GRID1: variants seen among roughly 807,000 people sequenced by gnomAD.
The protein encoded by GRID1 is glutamate ionotropic receptor delta type subunit 1.
GRID1 carries 28 observed loss-of-function variants against 98.0 expected under a neutral mutation model. That is an observed-to-expected ratio of 0.29 (90% CI 0.21 to 0.39). The LOEUF is 0.39. GRID1 is among the 10% of genes least tolerant of loss of function. GRID1 has a pLI of 1.00. For synonymous variants in GRID1, 553 were observed against 538.5 expected, an observed-to-expected ratio of 1.03 and a Z score of -0.37; for missense variants, 1,111 against 1,340.5, an observed-to-expected ratio of 0.83 and a Z score of 2.67.
chr10:86,020,492 T>A (rs1369246748), intron 4 of GRID1, among the ~76,000 whole-genome samples: 1 of 152,234 alleles, frequency 6.6e-6, no homozygotes, highest in Non-Finnish European at 1.5e-5. Flanking sequence ...CAGGCTGAAC[T>A]GAGTTCCAAC....
At chr10:86,070,695 C>T (rs1271302733) in intron 4 of GRID1, among the ~76,000 whole-genome samples, 1 of 152,202 alleles carries the variant, frequency 6.6e-6, no homozygotes, top group East Asian at 1.9e-4. Flanking sequence ...CTCATCCATC[C>T]CTGCACACAT....
intron 4 of GRID1, among the ~76,000 whole-genome samples, chr10:85,962,270 T>A (rs1842278321): frequency 6.6e-6 from 1 of 152,166 alleles, no homozygotes; most frequent in South Asian, 2.1e-4. Context: ...TGCTCTCCCC[T>A]ACAAAGTTGC....
intron 2 of GRID1, among the ~76,000 whole-genome samples, chr10:86,268,473 G>A (rs2607859): frequency 0.87 from 132,043 of 152,176 alleles, 57,979 homozygotes; most frequent in Non-Finnish European, 0.91. Flanking sequence ...TGAAGTGTGG[G>A]GGTTGTTTGT....
intron 3 of GRID1, among the ~76,000 whole-genome samples, chr10:86,203,493 G>A (rs1296053812): frequency 7.1e-6 from 1 of 139,996 alleles, no homozygotes; most frequent in Non-Finnish European, 1.6e-5. Flanking sequence ...CAGCTGGGCT[G>A]GGCATGAGGG....
intron 5 of GRID1, among the ~76,000 whole-genome samples, chr10:85,873,077 C>T (rs1172186936): frequency 5.3e-5 from 8 of 152,202 alleles, no homozygotes; most frequent in Non-Finnish European, 8.8e-5. Flanking sequence ...TGTTGGTCCT[C>T]CTGGGTCTCT....
intron 5 of GRID1, among the ~76,000 whole-genome samples, chr10:85,911,424 GA>G: frequency 6.6e-6 from 1 of 152,248 alleles, no homozygotes; most frequent in Middle Eastern, 3.4e-3. Flanking sequence ...GTGAGATGTG[GA>G]GTCACCGACT....
chr10:85,696,536 G>A lies in GRID1; in HGVS notation c.1997+26467C>T, dbSNP rs1347778900. 3.9e-5 allele frequency among the ~76,000 whole-genome samples: 6 copies of A among 152,040 alleles called. No homozygotes were observed. In the South Asian group the frequency reaches 6.2e-4, roughly 16 times the overall value. On this transcript the variant is annotated intron_variant, in intron 12 of 15. Coordinates refer to ENST00000327946, the MANE Select transcript of GRID1 (RefSeq NM_017551.3). Reference sequence around the variant, plus strand: ...TTAAATACACCTAGACAGAGACAGCGCATGCCGAATTTCCATTTTCTCTTA... The same window carrying A: ...TTAAATACACCTAGACAGAGACAGCACATGCCGAATTTCCATTTTCTCTTA...
chr10:85,924,395 A>T (rs1166962106), intron 4 of GRID1, among the ~76,000 whole-genome samples: 1 of 152,218 alleles, frequency 6.6e-6, no homozygotes, highest in Non-Finnish European at 1.5e-5. Flanking sequence ...AGGATCTGAG[A>T]AAGAAACAAA....
intron 4 of GRID1, among the ~76,000 whole-genome samples, chr10:86,026,673 T>C (rs1228239850): frequency 2.0e-5 from 3 of 152,234 alleles, no homozygotes; most frequent in Admixed American, 6.5e-5. Flanking sequence ...GTACTCAGCA[T>C]AGGGGACCCA....
At chr10:85,678,319 G>A (rs1316754221) in intron 12 of GRID1, among the ~76,000 whole-genome samples, 2 of 152,118 alleles carry the variant, frequency 1.3e-5, no homozygotes. Flanking sequence ...TATCCTGAAG[G>A]AAAAGACCAA....
intron 4 of GRID1, among the ~76,000 whole-genome samples, chr10:86,080,586 T>C (rs928558441): frequency 5.3e-5 from 8 of 152,002 alleles, no homozygotes; most frequent in African/African-American, 1.9e-4. Context: ...CCACTAGGTT[T>C]GGCCCCCAGG....
At chr10:86,083,054 C>T (rs983275134) in intron 4 of GRID1, among the ~76,000 whole-genome samples, 3 of 152,156 alleles carry the variant, frequency 2.0e-5, no homozygotes, top group African/African-American at 7.2e-5. Context: ...CAGCACAAAG[C>T]CAGACACATA....
intron 3 of GRID1, among the ~76,000 whole-genome samples, chr10:86,200,616 A>G (rs2132014846): frequency 6.6e-6 from 1 of 152,344 alleles, no homozygotes. Context: ...CTTAAACAAG[A>G]CAAGCAAAAG....
chr10:86,027,090 A>G (rs1843126058), intron 4 of GRID1, among the ~76,000 whole-genome samples: 1 of 152,212 alleles, frequency 6.6e-6, no homozygotes, highest in African/African-American at 2.4e-5. Flanking sequence ...TCTCTATCTG[A>G]TTATTTTCTA....
At position 85,601,923 on chromosome 10, in the gene GRID1, T is replaced by C; in HGVS notation, c.*350A>G. On this transcript the variant is annotated 3_prime_UTR_variant, in exon 16 of 16. Transcript: ENST00000327946. ...TCTCCCCCAGCAGAGAGGGGCTCCT[T>C]ATCTGGTCGCCCCTCCTGCCCTCAG... is the stretch of plus-strand genomic sequence containing the variant. 4.7e-6 allele frequency: 1 copy of C among 214,504 alleles called. No individual in the cohort carries two copies. The highest frequency in any genetic ancestry group is 9.2e-6 in the Non-Finnish European group (1 of 108,504). The allele number at this position is 214,504 out of a possible 1,614,324, so 13.3% of individuals were successfully genotyped here. A position where few individuals can be genotyped will look rare whatever the true frequency, so the allele number is the denominator to read the frequency against.
chr10:86,159,281 G>A (rs1339914816), intron 3 of GRID1, among the ~76,000 whole-genome samples: 1 of 152,108 alleles, frequency 6.6e-6, no homozygotes, highest in Non-Finnish European at 1.5e-5. Flanking sequence ...ATACAGTCAT[G>A]CACCACAAAA....
At chr10:85,794,697 C>T (rs934988590) in intron 8 of GRID1, among the ~76,000 whole-genome samples, 6 of 152,172 alleles carry the variant, frequency 3.9e-5, no homozygotes, top group Non-Finnish European at 5.9e-5. Flanking sequence ...CCAGTGCCTG[C>T]GGTGCAGCCA....
intron 4 of GRID1, among the ~76,000 whole-genome samples, chr10:86,038,982 C>T (rs575298459): frequency 7.9e-5 from 12 of 152,312 alleles, no homozygotes; most frequent in East Asian, 1.9e-4. Flanking sequence ...CAGCCAATTT[C>T]GCTTTCCAAG....
chr10:86,018,133 A>T (rs1190784849), intron 4 of GRID1, among the ~76,000 whole-genome samples: 1 of 152,242 alleles, frequency 6.6e-6, no homozygotes, highest in East Asian at 1.9e-4. Context: ...CACATCCAAC[A>T]GGGCAGTCTG....
Sources: allele counts gnomAD v4.1 joint callset (sites outside exome capture counted in the v4.1 genomes callset), GRCh38; gene constraint gnomAD v4.1.1; transcripts MANE v1.5; gene names NCBI Gene and HGNC (gene_info 2026-07-23, HGNC 2026-07-21).